Variants in SATB2 observed in about 807,000 individuals in gnomAD.
SATB2 encodes DNA-binding protein SATB2.
SATB2 carries 1 observed loss-of-function variant against 73.4 expected under a neutral mutation model. The observed-to-expected ratio is 0.01, with a 90% CI of 0.00 to 0.06. The LOEUF (loss-of-function observed/expected upper bound fraction) is 0.06. SATB2 is among the 10% of genes least tolerant of loss of function. SATB2 has a pLI of 1.00. For synonymous variants in SATB2, 397 were observed against 367.0 expected (o/e 1.08, Z -0.93); for missense variants, 459 against 945.8 (o/e 0.49, Z 6.75).
At chr2:199,292,288 C>CAT (rs1382894350) in intron 10 of SATB2, among the ~76,000 whole-genome samples, 1 of 152,222 alleles carries the variant, frequency 6.6e-6, no homozygotes, top group East Asian at 1.9e-4. Context: ...TGATGGCTTT[C>CAT]ATATCAGACA....
chr2:199,320,724 CACTT>C (rs2105784873), intron 9 of SATB2, among the ~76,000 whole-genome samples: 1 of 152,240 alleles, frequency 6.6e-6, no homozygotes, highest in African/African-American at 2.4e-5. Context: ...CCTACTTAAA[CACTT>C]ACAGCCCTCG....
At chr2:199,282,523 T>G (rs992016782) in intron 10 of SATB2, among the ~76,000 whole-genome samples, 1 of 152,180 alleles carries the variant, frequency 6.6e-6, no homozygotes, top group African/African-American at 2.4e-5. Flanking sequence ...GCACGTTACT[T>G]ACTCTCTCTG....
At chr2:199,393,631 T>C (rs978795384) in intron 3 of SATB2, among the ~76,000 whole-genome samples, 4 of 152,102 alleles carry the variant, frequency 2.6e-5, no homozygotes, top group Non-Finnish European at 5.9e-5. Context: ...TTAATAATGA[T>C]AGCTTTGATT....
intron 10 of SATB2, among the ~76,000 whole-genome samples, chr2:199,301,794 T>C (rs1687296872): frequency 6.6e-6 from 1 of 151,982 alleles, no homozygotes; most frequent in Non-Finnish European, 1.5e-5. Flanking sequence ...AGTTACAAGG[T>C]AGACAGAGAT....
chr2:199,394,522 G>T (rs780111794), intron 3 of SATB2, among the ~76,000 whole-genome samples: 1 of 152,140 alleles, frequency 6.6e-6, no homozygotes, highest in Non-Finnish European at 1.5e-5. Flanking sequence ...GCCAGGCTCT[G>T]TGGCTCATGC....
chr2:199,403,185 A>G (rs576272295), intron 3 of SATB2, among the ~76,000 whole-genome samples: 15 of 152,322 alleles, frequency 9.8e-5, no homozygotes, highest in African/African-American at 3.6e-4. Context: ...AATTCTAAAC[A>G]ACCTGTGTAA....
At chr2:199,382,261 C>T (rs1296042848) in intron 3 of SATB2, among the ~76,000 whole-genome samples, 2 of 152,134 alleles carry the variant, frequency 1.3e-5, no homozygotes, top group African/African-American at 2.4e-5. Context: ...GCAGTTACAT[C>T]CTGACTGTGG....
At chr2:199,390,449 A>G (rs1224228538) in intron 3 of SATB2, among the ~76,000 whole-genome samples, 1 of 151,934 alleles carries the variant, frequency 6.6e-6, no homozygotes, top group Non-Finnish European at 1.5e-5. Flanking sequence ...AAATTAAAAA[A>G]CTCATGGTGG....
chr2:199,458,640 C>T (rs763469532), upstream of SATB2: 74 of 439,012 alleles, frequency 1.7e-4, no homozygotes, highest in South Asian at 9.0e-4. Context: ...CCGCGTCTGC[C>T]GGCGGAGACG....
At chr2:199,352,647 C>G (rs916257556) in intron 6 of SATB2, among the ~76,000 whole-genome samples, 1 of 152,100 alleles carries the variant, frequency 6.6e-6, no homozygotes, top group East Asian at 1.9e-4. Context: ...AACACAAATA[C>G]CTACCTGTTC....
At chr2:199,276,520 G>A (rs1270159631) in intron 10 of SATB2, among the ~76,000 whole-genome samples, 1 of 152,074 alleles carries the variant, frequency 6.6e-6, no homozygotes, top group Non-Finnish European at 1.5e-5. Flanking sequence ...TTCATTCCTA[G>A]GCTCATTTGA....
chr2:199,450,478 T>C (rs1189353558), intron 2 of SATB2, among the ~76,000 whole-genome samples: 1 of 152,154 alleles, frequency 6.6e-6, no homozygotes, highest in Non-Finnish European at 1.5e-5. Context: ...GAATTCTTTA[T>C]TAATTTACAT....
chr2:199,382,434 C>T (rs1689807314), intron 3 of SATB2, among the ~76,000 whole-genome samples: 1 of 152,062 alleles, frequency 6.6e-6, no homozygotes, highest in Non-Finnish European at 1.5e-5. Flanking sequence ...AAGTTCCTTT[C>T]TTTTTTTTAT....
chr2:199,381,644 G>A (rs771326549), intron 4 of SATB2, 50 bp downstream of exon 4: 1 of 1,610,306 alleles, frequency 6.2e-7, no homozygotes, highest in Admixed American at 1.7e-5. Flanking sequence ...ATCTATGATT[G>A]ACGGAGCAGC....
chr2:199,415,994 C>T (rs1690967345), intron 3 of SATB2, among the ~76,000 whole-genome samples: 1 of 152,168 alleles, frequency 6.6e-6, no homozygotes, highest in Non-Finnish European at 1.5e-5. Context: ...CCAAGGGCCA[C>T]AGGGTAGAGA....
intron 7 of SATB2, among the ~76,000 whole-genome samples, chr2:199,340,554 A>T (rs1385390699): frequency 6.6e-6 from 1 of 152,200 alleles, no homozygotes; most frequent in Non-Finnish European, 1.5e-5. Flanking sequence ...ACACAAAATG[A>T]GCCTGAAACT....
chr2:199,343,036 C>T (rs966843134), intron 7 of SATB2, among the ~76,000 whole-genome samples: 4 of 152,188 alleles, frequency 2.6e-5, no homozygotes, highest in African/African-American at 9.6e-5. Context: ...AAATCTTAAA[C>T]ATGAAAAACT....
At chr2:199,301,407 A>C (rs1013270143) in intron 10 of SATB2, among the ~76,000 whole-genome samples, 1 of 152,208 alleles carries the variant, frequency 6.6e-6, no homozygotes, top group Non-Finnish European at 1.5e-5. Context: ...CTAACTTTCC[A>C]GCCCAAAGAC....
At chr2:199,439,499 T>C (rs746905398) in intron 2 of SATB2, among the ~76,000 whole-genome samples, 2 of 152,192 alleles carry the variant, frequency 1.3e-5, no homozygotes, top group South Asian at 2.1e-4. Flanking sequence ...TTTCTTCGTA[T>C]AAAACTGAAC....
Sources: gnomAD v4.1 joint callset for allele counts (sites outside exome capture counted in the v4.1 genomes callset) on GRCh38, gnomAD v4.1.1 for gene constraint, MANE v1.5 for transcripts, NCBI Gene and HGNC (gene_info 2026-07-23, HGNC 2026-07-21) for gene names.